Variants in ITGA1 observed in about 807,000 individuals in gnomAD.
ITGA1 encodes integrin alpha-1.
In ITGA1, 85 loss-of-function variants were observed where a neutral mutation model predicts 145.9. The ratio of observed to expected loss-of-function variants is 0.58; its 90% CI spans 0.49 to 0.70. The LOEUF is 0.70. Among genes scored for constraint, ITGA1 ranks in the 30% least tolerant of loss-of-function variants. The pLI is 0.00. For missense variants in ITGA1, 1,351 were observed against 1,418.7 expected (o/e 0.95, Z 0.77); for synonymous variants, 520 against 495.3 (o/e 1.05, Z -0.66).
chr5:52,911,250 TAC>T (rs1479541659), intron 14 of ITGA1, among the ~76,000 whole-genome samples: 3 of 136,154 alleles, frequency 2.2e-5, no homozygotes, highest in Admixed American at 7.7e-5. Flanking sequence ...ATATAGTATA[TAC>T]AGTGTATATA....
At chr5:52,909,944 A>C (rs1750477241) in intron 13 of ITGA1, among the ~76,000 whole-genome samples, 1 of 152,124 alleles carries the variant, frequency 6.6e-6, no homozygotes, top group South Asian at 2.1e-4. Flanking sequence ...TTGCATTAAA[A>C]AGAGATTCCA....
chr5:52,845,278 TC>T (rs1268358382), intron 1 of ITGA1, among the ~76,000 whole-genome samples: 1 of 152,178 alleles, frequency 6.6e-6, no homozygotes, highest in African/African-American at 2.4e-5. Context: ...TTAAAGATGA[TC>T]CTTTTCCCCT....
In ITGA1 at chr5:52,788,108, A is replaced by C. The variant is rs1748157558; in HGVS notation, c.-246A>C. The C allele has an allele frequency of 9.4e-6, 4 of 427,750 alleles. No homozygotes were observed. In the South Asian group the frequency reaches 1.9e-4, roughly 20 times the overall value. The allele number at this position is 427,750 out of a possible 1,614,324, so 26.5% of individuals were successfully genotyped here. Reference sequence around the variant, plus strand: ...AGCTGCCAGTGAGATTTCAGAGACCAAGAGCGCGAAGGGGCGGGCGATGTG... The same window carrying C: ...AGCTGCCAGTGAGATTTCAGAGACCCAGAGCGCGAAGGGGCGGGCGATGTG... On this transcript the variant is annotated 5_prime_UTR_variant, in exon 1 of 29. Coordinates refer to ENST00000282588, the MANE Select transcript of ITGA1 (RefSeq NM_181501.2).
At chr5:52,926,075 A>C (rs1260288390) in intron 19 of ITGA1, among the ~76,000 whole-genome samples, 1 of 152,110 alleles carries the variant, frequency 6.6e-6, no homozygotes, top group Non-Finnish European at 1.5e-5. Flanking sequence ...AATGAATCCC[A>C]CTGAGTTAAA....
rs1302374554 is a variant in ITGA1, at chr5:52,947,325, T to A, written c.3379-20T>A. 3 of 1,439,666 alleles carry A rather than the reference T, an allele frequency of 2.1e-6. No homozygotes were observed. The highest frequency in any genetic ancestry group is 1.4e-5 in the African/African-American group (1 of 71,452). 89.2% of individuals were successfully genotyped at this position (1,439,666 alleles called of 1,614,324 possible). On this transcript the variant is annotated intron_variant, in intron 27 of 28. Transcript: ENST00000282588. ...TAATAGGTGTTTATTATGTTAACAA[T>A]CTTGTTTAATAATTTTCAGCTTGCT...
chr5:52,897,540 AG>A lies in ITGA1; in HGVS notation c.1164+13del. On this transcript the variant is annotated intron_variant, in intron 10 of 28. Transcript: ENST00000282588. Reference sequence around the variant, plus strand: ...CTCATTATTCACAGGTATGTTGACCAGTTGGTGAAAAATGAAATATATGTTT... The same window carrying A: ...CTCATTATTCACAGGTATGTTGACCATTGGTGAAAAATGAAATATATGTTT... The A allele has an allele frequency of 6.2e-7, 1 of 1,605,738 alleles. No individual in the cohort carries two copies. The highest frequency in any genetic ancestry group is 8.5e-7 in the Non-Finnish European group (1 of 1,172,966).
chr5:52,866,956 G>A (rs1459721892), intron 6 of ITGA1: 1 of 151,794 alleles, frequency 6.6e-6, no homozygotes, highest in Non-Finnish European at 1.5e-5. Flanking sequence ...GTGGTTTGGA[G>A]GCTGTAGAGA....
intron 11 of ITGA1, among the ~76,000 whole-genome samples, chr5:52,900,908 A>G (rs1263872691): frequency 6.6e-6 from 1 of 152,044 alleles, no homozygotes; most frequent in African/African-American, 2.4e-5. Context: ...GTTATTATGT[A>G]TTTTTTTATT....
chr5:52,924,240 A>T (rs1398584224), intron 18 of ITGA1, among the ~76,000 whole-genome samples: 1 of 152,178 alleles, frequency 6.6e-6, no homozygotes. Context: ...ATTAAGTAGT[A>T]ATTAGAGCAT....
At position 52,941,955 on chromosome 5, in the gene ITGA1, TG is replaced by T. The variant is rs542385123; in HGVS notation, c.3285+2015del. The stretch of plus-strand genomic sequence containing the variant: ...ATTTGTCTTGGTTAGTTTTTATATA[TG>T]GGGAAAGTTAGGGGTCCAGTTTCAT... On this transcript the variant is annotated intron_variant, in intron 26 of 28. Coordinates refer to ENST00000282588, the MANE Select transcript of ITGA1 (RefSeq NM_181501.2). Among the ~76,000 whole-genome samples, 269 of 152,308 alleles carry T rather than the reference TG, an allele frequency of 1.8e-3. 1 individual carries two copies. The highest frequency in any genetic ancestry group is 2.8e-3 in the Non-Finnish European group (190 of 68,010).
At chr5:52,910,797 T>A (rs942105724) in intron 14 of ITGA1, among the ~76,000 whole-genome samples, 5 of 144,900 alleles carry the variant, frequency 3.5e-5, no homozygotes, top group African/African-American at 1.3e-4. Flanking sequence ...ACAAATAGTA[T>A]AAATATATAG....
rs1749968915 is a variant in ITGA1 at position 52,882,022 on chromosome 5, G to A, written c.773+1G>A. 1 of 1,575,442 alleles carries A rather than the reference G, an allele frequency of 6.3e-7. No individual in the cohort carries two copies. The highest frequency in any genetic ancestry group is 8.6e-7 in the Non-Finnish European group (1 of 1,161,318). ...CAGCTCTTGGAATAGACACAGCAAGGTATATGGATAAAAAAATAAACTAAA... is the reference window on the plus strand; with the variant it reads ...CAGCTCTTGGAATAGACACAGCAAGATATATGGATAAAAAAATAAACTAAA... On this transcript the variant is annotated splice_donor_variant, in intron 7 of 28. Coordinates refer to ENST00000282588, the MANE Select transcript of ITGA1 (RefSeq NM_181501.2). LOFTEE classifies it high-confidence loss of function.
intron 1 of ITGA1, among the ~76,000 whole-genome samples, chr5:52,841,864 G>T (rs1168399442): frequency 6.6e-6 from 1 of 152,046 alleles, no homozygotes; most frequent in East Asian, 1.9e-4. Flanking sequence ...ATGTGAATGG[G>T]GTGAATTAAC....
intron 6 of ITGA1, among the ~76,000 whole-genome samples, chr5:52,876,237 T>A: frequency 6.6e-6 from 1 of 152,220 alleles, no homozygotes; most frequent in East Asian, 1.9e-4. Flanking sequence ...AATTATAAGC[T>A]AAGGTGAAAT....
intron 10 of ITGA1, 92 bp downstream of exon 10, chr5:52,897,620 G>A (rs918749342): frequency 1.6e-5 from 13 of 835,228 alleles, no homozygotes; most frequent in South Asian, 2.9e-5. Context: ...TAAGTGCAAC[G>A]TGCAGTTCAT....
chr5:52,929,675 T>G lies in ITGA1; in HGVS notation c.2745T>G (p.Asn915Lys). The change falls in exon 21 of 29, where the codon AAT becomes AAG. Residue 915 changes from asparagine to lysine, a missense_variant. Coordinates refer to ENST00000282588, the MANE Select transcript of ITGA1 (RefSeq NM_181501.2). ...FQFNTSYLME[N>K]VTIYLSATSD... ...TTAACACATCCTATCTCATGGAAAA[T>G]GTGACCATTTATTTAAGTGCAACAA... is the stretch of plus-strand genomic sequence containing the variant. 3.1e-6 allele frequency: 5 copies of G among 1,589,330 alleles called. No individual in the cohort carries two copies. The highest frequency in any genetic ancestry group is 4.3e-6 in the Non-Finnish European group (5 of 1,160,658).
chr5:52,801,388 C>A, intron 1 of ITGA1: 1 of 1,592,296 alleles, frequency 6.3e-7, no homozygotes, highest in Non-Finnish European at 8.6e-7. Flanking sequence ...TTTTGCCTAA[C>A]TTTTGTAATT....
intron 1 of ITGA1, among the ~76,000 whole-genome samples, chr5:52,810,547 G>A (rs892309554): frequency 3.3e-5 from 5 of 152,302 alleles, no homozygotes; most frequent in Admixed American, 6.5e-5. Flanking sequence ...AATGAACTCT[G>A]GGAATAGTTC....
rs140403715 is a variant in ITGA1 at position 52,806,937 on chromosome 5, G to A, written c.61+18523G>A. ...TAATAATTGACATTGATATGGGAAG[G>A]TCTTAAATTTTCAGATTTCAGTGCT... On this transcript the variant is annotated intron_variant, in intron 1 of 28. Coordinates refer to ENST00000282588, the MANE Select transcript of ITGA1 (RefSeq NM_181501.2). Among the ~76,000 whole-genome samples, 6 of 152,258 alleles carry A rather than the reference G, an allele frequency of 3.9e-5. 1 individual carries two copies. Among genetic ancestry groups the A allele is most frequent in the African/African-American group, 1.4e-4 (6 of 41,556 alleles).
Sources: allele counts gnomAD v4.1 joint callset (sites outside exome capture counted in the v4.1 genomes callset), GRCh38; gene constraint gnomAD v4.1.1; transcripts MANE v1.5; gene names NCBI Gene and HGNC (gene_info 2026-07-23, HGNC 2026-07-21).